Variants in RMDN2 observed in about 807,000 individuals in gnomAD.
RMDN2 encodes the protein regulator of microtubule dynamics protein 2.
A neutral mutation model predicts 52.8 loss-of-function variants in RMDN2; 61 were observed. The observed-to-expected ratio is 1.16, with a 90% CI of 0.94 to 1.43. The LOEUF is 1.43. Ranked by LOEUF, RMDN2 falls within the 40% of genes most tolerant of loss-of-function variation. RMDN2 has a pLI of 0.00. For missense variants in RMDN2, 592 were observed against 475.3 expected, an observed-to-expected ratio of 1.25 and a Z score of -2.28; for synonymous variants, 180 against 153.1, an observed-to-expected ratio of 1.18 and a Z score of -1.30.
chr2:38,008,218 A>C (rs1353224453), intron 10 of RMDN2, among the ~76,000 whole-genome samples: 1 of 152,146 alleles, frequency 6.6e-6, no homozygotes, highest in East Asian at 1.9e-4. Flanking sequence ...GATGTCTGTT[A>C]GGTCCGCTTG....
At chr2:38,058,710 G>A (rs926589690) in intron 10 of RMDN2, among the ~76,000 whole-genome samples, 1 of 152,118 alleles carries the variant, frequency 6.6e-6, no homozygotes, top group Non-Finnish European at 1.5e-5. Context: ...CTGAGGTTAT[G>A]GGCAGTTTTC....
At chr2:37,965,596 A>C (rs1321119812) in intron 2 of RMDN2, among the ~76,000 whole-genome samples, 3 of 152,152 alleles carry the variant, frequency 2.0e-5, no homozygotes, top group Admixed American at 6.5e-5. Context: ...ATAGATTCAT[A>C]ATTACTTTTT....
At chr2:38,012,683 G>A (rs547235797) in intron 10 of RMDN2, 3 of 437,864 alleles carry the variant, frequency 6.9e-6, no homozygotes, top group Non-Finnish European at 1.4e-5. Context: ...CTTTTTCCAT[G>A]AGAAAATAGG....
intron 7 of RMDN2, among the ~76,000 whole-genome samples, chr2:37,994,534 T>C (rs535859683): frequency 6.6e-6 from 1 of 152,254 alleles, no homozygotes; most frequent in African/African-American, 2.4e-5. Flanking sequence ...GTTTTCCAGA[T>C]CACATTTCAA....
intron 10 of RMDN2, among the ~76,000 whole-genome samples, chr2:38,013,246 T>G (rs1459204763): frequency 6.6e-6 from 1 of 152,240 alleles, no homozygotes; most frequent in African/African-American, 2.4e-5. Flanking sequence ...AGTATTAAAG[T>G]TCATCAACGT....
intron 7 of RMDN2, 65 bp from the exon 8 acceptor site, chr2:37,997,350 TG>T: frequency 1.0e-6 from 1 of 959,006 alleles, no homozygotes; most frequent in South Asian, 1.3e-5. Flanking sequence ...CACGTCTAAC[TG>T]GGGAGAGATA....
chr2:37,990,518 C>CAAAAAAAAA (rs397812186), intron 6 of RMDN2, among the ~76,000 whole-genome samples: 3 of 37,580 alleles, frequency 8.0e-5, no homozygotes, highest in African/African-American at 2.9e-4. Flanking sequence ...GACTCCATCT[C>CAAAAAAAAA]AAAAAAAAAA....
intron 8 of RMDN2, among the ~76,000 whole-genome samples, chr2:38,003,578 A>AGATAGATAGATAGATGGATG (rs1558537058): frequency 1.3e-5 from 2 of 151,636 alleles, no homozygotes; most frequent in African/African-American, 2.4e-5. Flanking sequence ...ATAGATAGAT[A>AGATAGATAGATAGATGGATG]GATAGATAGA....
At chr2:37,946,208 ACT>A (rs2124942132) in intron 2 of RMDN2, among the ~76,000 whole-genome samples, 1 of 152,100 alleles carries the variant, frequency 6.6e-6, no homozygotes, top group East Asian at 1.9e-4. Flanking sequence ...GGTGTTTCTG[ACT>A]CTATGAAATA....
intron 10 of RMDN2, among the ~76,000 whole-genome samples, chr2:38,046,237 C>T (rs1681265248): frequency 6.6e-6 from 1 of 152,174 alleles, no homozygotes; most frequent in Admixed American, 6.5e-5. Flanking sequence ...CATATCCCAA[C>T]TCACTCAAAG....
At chr2:38,023,811 G>A (rs964712952) in intron 10 of RMDN2, among the ~76,000 whole-genome samples, 1 of 151,960 alleles carries the variant, frequency 6.6e-6, no homozygotes, top group Admixed American at 6.6e-5. Context: ...CAAAAAAACT[G>A]CATGTATTTA....
chr2:37,994,767 CATT>C (rs1315431700), intron 7 of RMDN2, among the ~76,000 whole-genome samples: 2 of 152,072 alleles, frequency 1.3e-5, no homozygotes, highest in African/African-American at 4.8e-5. Flanking sequence ...ATAATAAATA[CATT>C]ATCAATTCCT....
chr2:37,987,801 G>C (rs972220641), intron 5 of RMDN2, among the ~76,000 whole-genome samples: 2 of 152,194 alleles, frequency 1.3e-5, no homozygotes, highest in African/African-American at 4.8e-5. Flanking sequence ...GCTCTTGCCT[G>C]TAATCCCAGC....
intron 10 of RMDN2, chr2:38,030,606 G>A (rs1029809603): frequency 1.3e-5 from 2 of 152,100 alleles, no homozygotes; most frequent in African/African-American, 4.8e-5. Flanking sequence ...TAAAAAACTG[G>A]CTTTACATGG....
chr2:38,001,752 A>G (rs914684294), intron 8 of RMDN2, among the ~76,000 whole-genome samples: 1 of 152,228 alleles, frequency 6.6e-6, no homozygotes, highest in Non-Finnish European at 1.5e-5. Flanking sequence ...GAATGGCTCA[A>G]GAAATGCACT....
rs575882458 is a variant in RMDN2, at chr2:37,941,153, C to G, written c.452+11424C>G. The stretch of plus-strand genomic sequence containing the variant: ...TTTTCCTTCTAACAGTCAGGCCCCT[C>G]TTCTGCAGGTCTGCTGGAGTTTGCT... On this transcript the variant is annotated intron_variant, in intron 2 of 10. Coordinates refer to ENST00000354545, the MANE Select transcript of RMDN2 (RefSeq NM_001170791.3). Among the ~76,000 whole-genome samples, 179 of 152,328 alleles carry G rather than the reference C, an allele frequency of 1.2e-3. 1 individual carries two copies. The highest frequency in any genetic ancestry group is 4.2e-3 in the African/African-American group (173 of 41,564).
At chr2:37,965,541 A>G (rs1037664959) in intron 2 of RMDN2, among the ~76,000 whole-genome samples, 1 of 152,122 alleles carries the variant, frequency 6.6e-6, no homozygotes. Context: ...TGATATTACA[A>G]ATTACATCTT....
intron 2 of RMDN2, among the ~76,000 whole-genome samples, chr2:37,957,414 G>A (rs1390097274): frequency 6.6e-6 from 1 of 152,230 alleles, no homozygotes; most frequent in Non-Finnish European, 1.5e-5. Context: ...CAGTGATGAT[G>A]AGCTTTTTTT....
chr2:37,959,453 G>A (rs997163553), intron 2 of RMDN2, among the ~76,000 whole-genome samples: 1 of 150,952 alleles, frequency 6.6e-6, no homozygotes, highest in Non-Finnish European at 1.5e-5. Context: ...GGTGTTTATA[G>A]TACTCTCTGA....
Sources: gnomAD v4.1 joint callset for allele counts (sites outside exome capture counted in the v4.1 genomes callset) on GRCh38, gnomAD v4.1.1 for gene constraint, MANE v1.5 for transcripts, NCBI Gene and HGNC (gene_info 2026-07-23, HGNC 2026-07-21) for gene names.